The following PACSIN2 variants were observed in gnomAD, a reference collection of about 807,000 sequenced individuals.
PACSIN2 encodes protein kinase C and casein kinase substrate in neurons 2, also known as protein kinase C and casein kinase substrate in neurons protein 2.
Under a neutral mutation model 63.8 loss-of-function variants are expected in PACSIN2, and 25 were observed. That is an observed-to-expected ratio of 0.39 (90% CI 0.29 to 0.55). The LOEUF (loss-of-function observed/expected upper bound fraction) is 0.55, where lower values mean the gene tolerates loss of function less well. Among genes scored for constraint, PACSIN2 ranks in the 20% least tolerant of loss-of-function variants. PACSIN2 has a pLI of 0.62. For missense variants in PACSIN2, 518 were observed against 646.9 expected (o/e 0.80, Z 2.16); for synonymous variants, 255 against 256.2 (o/e 1.00, Z 0.05).
intron 6 of PACSIN2, 125 bp downstream of exon 6, chr22:42,884,261 A>C: frequency 1.3e-6 from 1 of 790,506 alleles, no homozygotes; most frequent in Non-Finnish European, 2.1e-6. Flanking sequence ...GGAGGCCCTG[A>C]GGGCGGTGAG....
At chr22:42,930,786 G>A (rs1385034438) in intron 1 of PACSIN2, among the ~76,000 whole-genome samples, 7 of 152,198 alleles carry the variant, frequency 4.6e-5, no homozygotes, top group African/African-American at 1.7e-4. Flanking sequence ...AGAGGCATAA[G>A]AGTGTTTAAA....
rs1278498093 is a variant in PACSIN2, at chr22:42,990,066, GTGTA to G, written c.-78+24951_-78+24954del. The stretch of plus-strand genomic sequence containing the variant: ...TATATATATATACACACACATATGT[GTGTA>G]TATATATGTGTGTGTATATATGTAA... On this transcript the variant is annotated intron_variant, in intron 1 of 10. Transcript: ENST00000263246. Among the ~76,000 whole-genome samples, 446 of 111,954 alleles carry G rather than the reference GTGTA, an allele frequency of 4.0e-3. 4 individuals are homozygous for G. Among genetic ancestry groups the G allele is most frequent in the African/African-American group, 0.016 (439 of 27,598 alleles). The allele number at this position is 111,954 out of a possible 152,430, so 73.4% of individuals were successfully genotyped here.
chr22:42,960,766 A>T (rs1187162938), intron 1 of PACSIN2, among the ~76,000 whole-genome samples: 1 of 152,188 alleles, frequency 6.6e-6, no homozygotes, highest in Non-Finnish European at 1.5e-5. Context: ...TGTGGCTCTT[A>T]AACTGGCTAT....
At chr22:42,874,208 G>C (rs981706880) in intron 10 of PACSIN2, among the ~76,000 whole-genome samples, 1 of 151,986 alleles carries the variant, frequency 6.6e-6, no homozygotes, top group African/African-American at 2.4e-5. Context: ...CAGCTACGTA[G>C]GAGGCTGAGG....
intron 1 of PACSIN2, among the ~76,000 whole-genome samples, chr22:43,010,711 TCAA>T (rs920258432): frequency 2.1e-4 from 32 of 151,874 alleles, no homozygotes; most frequent in South Asian, 1.0e-3. Context: ...AGACTCCGTC[TCAA>T]CAACAACAAC....
rs564213428 is a variant in PACSIN2 at position 42,874,571 on chromosome 22, A to G, written c.1348+1566T>C. 1.1e-4 allele frequency among the ~76,000 whole-genome samples: 17 copies of G among 152,300 alleles called. No individual in the cohort carries two copies. The South Asian group carries it at 3.5e-3, about 32-fold the overall frequency. On this transcript the variant is annotated intron_variant, in intron 10 of 10. Coordinates refer to ENST00000263246, the MANE Select transcript of PACSIN2 (RefSeq NM_001184970.3). ...GCCCCACCTGGCCCAGGGGCATGCC[A>G]AGTGCTACTCTGGGGTCTGGGCAAA...
chr22:42,926,624 C>T (rs766311783), intron 1 of PACSIN2, among the ~76,000 whole-genome samples: 5 of 151,924 alleles, frequency 3.3e-5, no homozygotes, highest in African/African-American at 1.2e-4. Flanking sequence ...GGGGAAAACA[C>T]ATCTTGTTTC....
At chr22:42,983,604 A>G (rs2146890763) in intron 1 of PACSIN2, among the ~76,000 whole-genome samples, 1 of 152,312 alleles carries the variant, frequency 6.6e-6, no homozygotes, top group South Asian at 2.1e-4. Flanking sequence ...AAAGGACAAT[A>G]AAAGATTGAC....
At chr22:43,012,224 G>A (rs1398841963) in intron 1 of PACSIN2, among the ~76,000 whole-genome samples, 2 of 149,504 alleles carry the variant, frequency 1.3e-5, no homozygotes, top group African/African-American at 2.5e-5. Context: ...AACTAGCCAG[G>A]CAAGGTGGCA....
At chr22:42,979,281 T>C (rs184707845) in intron 1 of PACSIN2, among the ~76,000 whole-genome samples, 128 of 152,160 alleles carry the variant, frequency 8.4e-4, no homozygotes, top group Non-Finnish European at 1.4e-3. Flanking sequence ...CTCAGCACTT[T>C]GGGAGGCAGA....
intron 1 of PACSIN2, among the ~76,000 whole-genome samples, chr22:42,999,754 G>A (rs753930329): frequency 3.9e-5 from 6 of 152,232 alleles, no homozygotes; most frequent in Non-Finnish European, 5.9e-5. Flanking sequence ...CTAACTTGCT[G>A]GGGAGACAGG....
chr22:42,929,837 T>C (rs990031021), intron 1 of PACSIN2, among the ~76,000 whole-genome samples: 4 of 152,214 alleles, frequency 2.6e-5, no homozygotes, highest in Non-Finnish European at 5.9e-5. Context: ...CTAATTATTC[T>C]TTAAGATCAA....
intron 1 of PACSIN2, among the ~76,000 whole-genome samples, chr22:42,973,922 C>T (rs1447626188): frequency 6.6e-6 from 1 of 152,220 alleles, no homozygotes; most frequent in African/African-American, 2.4e-5. Flanking sequence ...GTGTGGATGC[C>T]AAGTACCAAG....
chr22:42,876,798 G>A (rs770273314), intron 9 of PACSIN2, 90 bp downstream of exon 9: 32 of 1,542,592 alleles, frequency 2.1e-5, no homozygotes, highest in Non-Finnish European at 2.4e-5. Context: ...GTGCATTGCC[G>A]AGTGCCGAGG....
chr22:42,917,001 C>T (rs2146734131), intron 1 of PACSIN2, among the ~76,000 whole-genome samples: 1 of 152,276 alleles, frequency 6.6e-6, no homozygotes, highest in South Asian at 2.1e-4. Flanking sequence ...TGTGACCTTG[C>T]CACCAGCCCT....
At chr22:42,989,901 T>C (rs113343471) in intron 1 of PACSIN2, among the ~76,000 whole-genome samples, 4,297 of 147,478 alleles carry the variant, frequency 0.029, 215 homozygotes, top group African/African-American at 0.1. Flanking sequence ...CACACACACA[T>C]ATATGTATAT....
chr22:42,993,137 G>A (rs1190137022), intron 1 of PACSIN2, among the ~76,000 whole-genome samples: 1 of 151,568 alleles, frequency 6.6e-6, no homozygotes, highest in African/African-American at 2.4e-5. Context: ...TTGCACCACT[G>A]CACTCCAGCC....
chr22:42,873,917 T>A (rs1928370445), intron 10 of PACSIN2, among the ~76,000 whole-genome samples: 1 of 151,960 alleles, frequency 6.6e-6, no homozygotes. Context: ...GCCTCCCCAG[T>A]AGCTGGGATT....
intron 10 of PACSIN2, among the ~76,000 whole-genome samples, chr22:42,874,997 G>A (rs1002987053): frequency 6.6e-6 from 1 of 151,294 alleles, no homozygotes; most frequent in Non-Finnish European, 1.5e-5. Context: ...ACTACAGGCG[G>A]CTGCCACCAC....
Sources: allele counts gnomAD v4.1 joint callset (sites outside exome capture counted in the v4.1 genomes callset), GRCh38; gene constraint gnomAD v4.1.1; transcripts MANE v1.5; gene names NCBI Gene and HGNC (gene_info 2026-07-23, HGNC 2026-07-21).